TFRC: variants seen among roughly 807,000 people sequenced by gnomAD.
TFRC encodes transferrin receptor.
Under a neutral mutation model 85.8 loss-of-function variants are expected in TFRC, and 35 were observed. That is an observed-to-expected ratio of 0.41 (90% CI 0.31 to 0.54). The LOEUF is 0.54. Ranked by LOEUF, TFRC falls within the 20% of genes least tolerant of loss-of-function variation. The pLI is 0.31. For synonymous variants in TFRC, 362 were observed against 328.6 expected (o/e 1.10, Z -1.10); for missense variants, 828 against 921.5 (o/e 0.90, Z 1.31).
intron 13 of TFRC, among the ~76,000 whole-genome samples, chr3:196,060,883 T>C (rs1717226137): frequency 1.4e-5 from 2 of 141,610 alleles, no homozygotes; most frequent in Admixed American, 7.2e-5. Flanking sequence ...AGAGGTCCCA[T>C]AAATCCACTG....
At chr3:196,058,497 G>T in intron 15 of TFRC, 77 bp downstream of exon 15, 1 of 1,507,872 alleles carries the variant, frequency 6.6e-7, no homozygotes, top group Non-Finnish European at 9.1e-7. Context: ...TGCAAGGACA[G>T]ATTTAGATTC....
At position 196,072,159 on chromosome 3, in the gene TFRC, G is replaced by A; in HGVS notation, c.435-7C>T. On this transcript the variant is annotated splice_region_variant and splice_polypyrimidine_tract_variant and intron_variant, in intron 4 of 18. Coordinates refer to ENST00000360110, the MANE Select transcript of TFRC (RefSeq NM_001128148.3). The stretch of plus-strand genomic sequence containing the variant: ...TGAATTTTCATTCAGCAGCCTGGAG[G>A]AGAAAATGCCTTTTAAATGAACTTA... 1 of 1,611,066 alleles carries A rather than the reference G, an allele frequency of 6.2e-7. No individual in the cohort carries two copies. Among genetic ancestry groups the A allele is most frequent in the Non-Finnish European group, 8.5e-7 (1 of 1,179,392 alleles).
At chr3:196,066,358 C>T (rs575442048) in intron 9 of TFRC, among the ~76,000 whole-genome samples, 2 of 151,956 alleles carry the variant, frequency 1.3e-5, no homozygotes, top group East Asian at 3.9e-4. Flanking sequence ...TTTGGAAGGC[C>T]GAGGCAGAAT....
intron 4 of TFRC, among the ~76,000 whole-genome samples, chr3:196,073,511 C>CAGTT (rs2108655366): frequency 6.6e-6 from 1 of 152,160 alleles, no homozygotes; most frequent in Admixed American, 6.5e-5. Flanking sequence ...TTAAGGCAGG[C>CAGTT]AGTTACCCAT....
intron 16 of TFRC, among the ~76,000 whole-genome samples, chr3:196,056,186 G>T (rs551472079): frequency 1.1e-3 from 151 of 135,544 alleles, no homozygotes; most frequent in Middle Eastern, 3.5e-3. Flanking sequence ...GCTGGCCACT[G>T]GGCCACTTAA....
Position 196,065,584 on chromosome 3 carries a change from A to G in TFRC, c.1057T>C (p.Cys353Arg), listed in dbSNP as rs778812140. Residue 353 changes from cysteine (C) to arginine (R), a missense_variant, in exon 10 of 19, where the codon TGT becomes CGT. Transcript: ENST00000360110. ...GAGTCTGTTTTCCAGTCAGAGGGAC[A>G]GTCTCCTTCCATATTCCTAGAATCA... is the stretch of plus-strand genomic sequence containing the variant. ...EKLFGNMEGD[C>R]PSDWKTDSTC... The G allele has an allele frequency of 6.2e-7, 1 of 1,605,038 alleles. No homozygotes were observed. Among genetic ancestry groups the G allele is most frequent in the Non-Finnish European group, 8.5e-7 (1 of 1,177,916 alleles).
intron 14 of TFRC, 95 bp downstream of exon 14, chr3:196,060,085 T>C (rs1717144572): frequency 1.1e-6 from 1 of 933,720 alleles, no homozygotes. Context: ...TCCTATTTTT[T>C]GTTACTGACT....
At chr3:196,064,986 G>A (rs550740722) in intron 10 of TFRC, among the ~76,000 whole-genome samples, 28 of 152,306 alleles carry the variant, frequency 1.8e-4, no homozygotes, top group Admixed American at 5.9e-4. Context: ...GGCTGGGCGC[G>A]GTGGCTCATG....
At chr3:196,053,647 T>G in intron 17 of TFRC, 89 bp from the exon 18 acceptor site, 5 of 1,535,982 alleles carry the variant, frequency 3.3e-6, no homozygotes, top group Non-Finnish European at 4.5e-6. Context: ...TTAAGTAAGA[T>G]TCTGATAAAA....
Position 196,051,100 on chromosome 3 carries a change from C to A in TFRC, c.*842G>T, listed in dbSNP as rs1716269138. ...GTGCCAAAAGGACAGAAAGCTCTCC[C>A]CTAAGATTAACACTTTGGCCAAAAT... On this transcript the variant is annotated 3_prime_UTR_variant, in exon 19 of 19. Transcript: ENST00000360110. The A allele has an allele frequency of 9.3e-6, 2 of 215,246 alleles. No individual in the cohort carries two copies. The highest frequency in any genetic ancestry group is 1.9e-5 in the Non-Finnish European group (2 of 106,512). 13.3% of individuals were successfully genotyped at this position (215,246 alleles called of 1,614,324 possible).
intron 3 of TFRC, chr3:196,074,336 A>G (rs889027221): frequency 5.0e-6 from 2 of 400,046 alleles, no homozygotes; most frequent in African/African-American, 2.1e-5. Context: ...CCTATTCAAA[A>G]CATAGGTAGT....
intron 9 of TFRC, among the ~76,000 whole-genome samples, chr3:196,067,025 C>T (rs974118126): frequency 4.6e-5 from 7 of 152,132 alleles, no homozygotes; most frequent in Admixed American, 2.0e-4. Flanking sequence ...TCCAGAGGAG[C>T]GAGCCACAAC....
At chr3:196,053,675 TCAA>T in intron 17 of TFRC, 117 bp from the exon 18 acceptor site, 1 of 1,300,640 alleles carries the variant, frequency 7.7e-7, no homozygotes, top group African/African-American at 1.5e-5. Context: ...GCAGATAAGC[TCAA>T]GACTCCGAAA....
intron 6 of TFRC, chr3:196,069,823 C>T (rs938949131): frequency 2.1e-5 from 7 of 329,274 alleles, no homozygotes; most frequent in Non-Finnish European, 3.9e-5. Context: ...ATCTGAAGGG[C>T]ATTTAGATTA....
Position 196,074,065 on chromosome 3 carries a change from C to G in TFRC, c.299G>C (p.Arg100Thr). The change falls in exon 4 of 19, where the codon AGA becomes ACA. Residue 100 changes from arginine to threonine, a missense_variant. Coordinates refer to ENST00000360110, the MANE Select transcript of TFRC (RefSeq NM_001128148.3). The part of the protein sequence containing the change: ...KGVEPKTECE[R>T]LAGTESPVRE... ...CACTGGAGACTCGGTTCCTGCCAGT[C>G]TCTCACACTCAGTTTTTGGTTCTAC... 6.2e-7 allele frequency: 1 copy of G among 1,614,160 alleles called. No individual in the cohort carries two copies. Among genetic ancestry groups the G allele is most frequent in the South Asian group, 1.1e-5 (1 of 91,086 alleles).
chr3:196,075,120 G>C (rs1339335582), intron 3 of TFRC, 39 bp downstream of exon 3: 1 of 1,584,408 alleles, frequency 6.3e-7, no homozygotes, highest in East Asian at 2.2e-5. Flanking sequence ...CCCAGAGTTG[G>C]TTATAGAAAA....
At position 196,058,638 on chromosome 3, in the gene TFRC, A is replaced by C. The variant is rs774902315; in HGVS notation, c.1537-6T>G. ...CCAGTAACCGGATGCTTCACCTGTA[A>C]GATAAGAAATTATCATTAAAACTAA... On this transcript the variant is annotated splice_region_variant and splice_polypyrimidine_tract_variant and intron_variant, in intron 14 of 18. Coordinates refer to ENST00000360110, the MANE Select transcript of TFRC (RefSeq NM_001128148.3). 1.9e-5 allele frequency: 31 copies of C among 1,606,250 alleles called. No homozygotes were observed. The highest frequency in any genetic ancestry group is 2.6e-5 in the Non-Finnish European group (31 of 1,176,370).
rs200232625 is a variant in TFRC at position 196,052,069 on chromosome 3, C to T, written c.2156G>A (p.Arg719His). Reference sequence around the variant, plus strand: ...ATTAAAAGCACCGTTATTTTGTTTACGCAGTTTCAAGTTCTCCAGTAAAGC... The same window carrying T: ...ATTAAAAGCACCGTTATTTTGTTTATGCAGTTTCAAGTTCTCCAGTAAAGC... Reference protein sequence around the residue: ...LPALLENLKLRKQNNGAFNET... With the variant: ...LPALLENLKLHKQNNGAFNET... The change falls in exon 19 of 19, where the codon CGT becomes CAT. Residue 719 changes from arginine to histidine, a missense_variant. Transcript: ENST00000360110. The T allele has an allele frequency of 5.6e-6, 9 of 1,613,986 alleles. No homozygotes were observed. Among genetic ancestry groups the T allele is most frequent in the African/African-American group, 2.7e-5 (2 of 74,884 alleles).
At chr3:196,065,419 G>GGGC in intron 10 of TFRC, 24 bp downstream of exon 10, 1 of 13,536 alleles carries the variant, frequency 7.4e-5, no homozygotes, top group South Asian at 4.1e-3. Flanking sequence ...AAGCGGGGCG[G>GGGC]GGGGGGGGGG....
Sources: allele counts gnomAD v4.1 joint callset (sites outside exome capture counted in the v4.1 genomes callset), GRCh38; gene constraint gnomAD v4.1.1; transcripts MANE v1.5; gene names NCBI Gene and HGNC (gene_info 2026-07-23, HGNC 2026-07-21).